NLRC5: variants seen among roughly 807,000 people sequenced by gnomAD.
NLRC5 encodes the protein protein NLRC5.
Under a neutral mutation model 206.9 loss-of-function variants are expected in NLRC5, and 114 were observed. The observed-to-expected ratio is 0.55, with a 90% CI of 0.47 to 0.64. NLRC5 has a LOEUF of 0.64. NLRC5 is among the 30% of genes least tolerant of loss of function. The pLI, the probability that NLRC5 is intolerant of heterozygous loss-of-function variation, is 0.00. For synonymous variants in NLRC5, 952 were observed against 962.8 expected (o/e 0.99, Z 0.21); for missense variants, 2,008 against 2,305.5 (o/e 0.87, Z 2.64).
chr16:57,074,405 G>C (rs550812037), intron 38 of NLRC5, 195 bp from the exon 39 acceptor site: 5 of 581,278 alleles, frequency 8.6e-6, no homozygotes, highest in African/African-American at 7.4e-5. Context: ...CTGCCTGCCT[G>C]ACCTCAGTAA....
intron 20 of NLRC5, 118 bp downstream of exon 20, chr16:57,043,722 G>A: frequency 1.3e-6 from 1 of 792,384 alleles, no homozygotes; most frequent in Non-Finnish European, 2.3e-6. Context: ...CAGCACCTTG[G>A]GCAGTACCAG....
chr16:57,077,683 G>A (rs779505945), intron 41 of NLRC5, 36 bp from the exon 42 acceptor site: 1 of 1,527,642 alleles, frequency 6.5e-7, no homozygotes. Flanking sequence ...GGGAGAGGGG[G>A]CATCAGAGGA....
At position 57,040,671 on chromosome 16, in the gene NLRC5, C is replaced by T. The variant is rs1415247378; in HGVS notation, c.2892C>T (p.Leu964=). Residue 964 remains leucine, a synonymous_variant, in exon 17 of 49, where the codon CTC becomes CTT. Coordinates refer to ENST00000688547, the MANE Select transcript of NLRC5 (RefSeq NM_001384950.1). ...PQERAAFLDS[L]MLQMPSELPL... ...CCAGGGCTGCATTTCTTGACAGCCTCATGCTCCAGATGCCCTCTGAGCTGC... is the reference window on the plus strand; with the variant it reads ...CCAGGGCTGCATTTCTTGACAGCCTTATGCTCCAGATGCCCTCTGAGCTGC... The T allele has an allele frequency of 6.2e-7, 1 of 1,614,068 alleles. No individual in the cohort carries two copies. The highest frequency in any genetic ancestry group is 8.5e-7 in the Non-Finnish European group (1 of 1,180,022).
intron 1 of NLRC5, among the ~76,000 whole-genome samples, chr16:57,000,595 G>A (rs2058129079): frequency 1.3e-5 from 2 of 152,152 alleles, no homozygotes; most frequent in African/African-American, 4.8e-5. Flanking sequence ...ACCTAGGCAG[G>A]TCCCTTTCCC....
intron 1 of NLRC5, among the ~76,000 whole-genome samples, chr16:57,006,462 A>T (rs1455724686): frequency 8.6e-6 from 1 of 116,516 alleles, no homozygotes; most frequent in Non-Finnish European, 1.6e-5. Context: ...TCTGTCGCCC[A>T]GGCTGGGGTG....
chr16:57,077,882 C>G, intron 42 of NLRC5, 61 bp from the exon 43 acceptor site: 4 of 1,604,448 alleles, frequency 2.5e-6, no homozygotes, highest in Non-Finnish European at 3.4e-6. Flanking sequence ...GGGCACAGGG[C>G]AGGGCGGGGG....
chr16:57,079,320 G>A (rs776004875), intron 45 of NLRC5, 28 bp downstream of exon 45: 1 of 1,611,270 alleles, frequency 6.2e-7, no homozygotes, highest in African/African-American at 1.3e-5. Context: ...CCTGCCTAGG[G>A]GACCAGTGGC....
chr16:57,002,354 G>T (rs1357322411), intron 1 of NLRC5, among the ~76,000 whole-genome samples: 3 of 151,996 alleles, frequency 2.0e-5, no homozygotes, highest in African/African-American at 7.3e-5. Flanking sequence ...TGCCATGTTA[G>T]CCAGGTTGGT....
intron 1 of NLRC5, among the ~76,000 whole-genome samples, chr16:57,000,712 C>A (rs2058139703): frequency 6.6e-6 from 1 of 152,170 alleles, no homozygotes; most frequent in African/African-American, 2.4e-5. Context: ...TTTTCACAGG[C>A]AACAGTCACC....
chr16:57,002,682 C>G (rs1321141145), intron 1 of NLRC5, among the ~76,000 whole-genome samples: 1 of 120,656 alleles, frequency 8.3e-6, no homozygotes, highest in Non-Finnish European at 1.6e-5. Context: ...CTCACTCTGT[C>G]TCAAGGCTGG....
intron 1 of NLRC5, among the ~76,000 whole-genome samples, chr16:57,009,637 A>G (rs1242053868): frequency 6.6e-6 from 1 of 152,212 alleles, no homozygotes; most frequent in African/African-American, 2.4e-5. Context: ...TGTGAGCTAC[A>G]CCATGTTTGA....
chr16:57,019,261 G>A (rs139008682), intron 2 of NLRC5, among the ~76,000 whole-genome samples: 1 of 152,206 alleles, frequency 6.6e-6, no homozygotes, highest in East Asian at 1.9e-4. Flanking sequence ...GCTGGGCATT[G>A]TGGTGTGCAC....
At chr16:57,058,301 C>T (rs751926327) in intron 28 of NLRC5, 153 bp downstream of exon 28, 1 of 641,778 alleles carries the variant, frequency 1.6e-6, no homozygotes, top group Non-Finnish European at 2.8e-6. Flanking sequence ...GCCTTCACTC[C>T]CCTGGCCTTG....
intron 1 of NLRC5, among the ~76,000 whole-genome samples, chr16:57,005,728 G>T (rs1263122887): frequency 6.6e-6 from 1 of 151,996 alleles, no homozygotes; most frequent in Non-Finnish European, 1.5e-5. Context: ...AGTCTAGCTT[G>T]GGCAAGATGG....
At chr16:57,042,794 T>C (rs1405703310) in intron 19 of NLRC5, among the ~76,000 whole-genome samples, 1 of 152,184 alleles carries the variant, frequency 6.6e-6, no homozygotes, top group Non-Finnish European at 1.5e-5. Context: ...CCTCTGTTGG[T>C]GGCTACGATC....
chr16:57,037,317 C>T (rs758847447), intron 15 of NLRC5, 33 bp downstream of exon 15: 2 of 1,534,832 alleles, frequency 1.3e-6, no homozygotes, highest in Non-Finnish European at 1.8e-6. Flanking sequence ...GTACCCATCC[C>T]CCCCCCCATC....
rs2069355725 is a variant in NLRC5 at position 57,083,336 on chromosome 16, T to C, written c.*808T>C. The C allele has an allele frequency of 6.6e-6, 1 of 152,274 alleles. No homozygotes were observed. Among genetic ancestry groups the C allele is most frequent in the South Asian group, 2.1e-4 (1 of 4,836 alleles). The allele number at this position is 152,274 out of a possible 1,614,324, so 9.4% of individuals were successfully genotyped here. On this transcript the variant is annotated 3_prime_UTR_variant, in exon 49 of 49. Coordinates refer to ENST00000688547, the MANE Select transcript of NLRC5 (RefSeq NM_001384950.1). ...GGGACAAAGCCAGGTCTAATGGTAC[T>C]GGGTAGGGGGCACTGCCAAGACAAT...
chr16:57,003,960 C>G (rs1289708207), intron 1 of NLRC5: 1 of 152,114 alleles, frequency 6.6e-6, no homozygotes, highest in Admixed American at 6.5e-5. Flanking sequence ...GAGGCATTTG[C>G]CCTCACCAAG....
chr16:57,009,907 C>T lies in NLRC5; in HGVS notation c.-127-7167C>T, dbSNP rs146079860. Among the ~76,000 whole-genome samples the T allele has an allele frequency of 3.6e-3, 549 of 152,146 alleles. 4 individuals carry two copies. Among genetic ancestry groups the T allele is most frequent in the East Asian group, 0.024 (125 of 5,172 alleles). On this transcript the variant is annotated intron_variant, in intron 1 of 48. Coordinates refer to ENST00000688547, the MANE Select transcript of NLRC5 (RefSeq NM_001384950.1). ...GCTCTGTCTTAATAGCTGACTCCTGCGTGGAGTAGGTTATTGGGGGATGGG... is the reference window on the plus strand; with the variant it reads ...GCTCTGTCTTAATAGCTGACTCCTGTGTGGAGTAGGTTATTGGGGGATGGG...
Sources: allele counts gnomAD v4.1 joint callset (sites outside exome capture counted in the v4.1 genomes callset), GRCh38; gene constraint gnomAD v4.1.1; transcripts MANE v1.5; gene names NCBI Gene and HGNC (gene_info 2026-07-23, HGNC 2026-07-21).